The following L3MBTL4 variants were observed in gnomAD, a reference collection of about 807,000 sequenced individuals.
L3MBTL4 encodes the protein L3MBTL histone methyl-lysine binding protein 4, also known as lethal(3)malignant brain tumor-like protein 4.
In L3MBTL4, 70 loss-of-function variants were observed where a neutral mutation model predicts 84.5. The ratio of observed to expected loss-of-function variants is 0.83; its 90% confidence interval spans 0.68 to 1.01. The LOEUF is 1.01. L3MBTL4 is among the 50% of genes least tolerant of loss of function. L3MBTL4 has a pLI of 0.00. For synonymous variants in L3MBTL4, 274 were observed against 259.8 expected, an observed-to-expected ratio of 1.05 and a Z score of -0.52; for missense variants, 715 against 754.8, an observed-to-expected ratio of 0.95 and a Z score of 0.62.
chr18:6,152,305 A>AT (rs142872483), intron 13 of L3MBTL4, among the ~76,000 whole-genome samples: 17 of 149,594 alleles, frequency 1.1e-4, no homozygotes, highest in South Asian at 2.1e-4. Flanking sequence ...AGGAACCTCC[A>AT]TTTTTTTTTT....
At chr18:6,399,139 C>A (rs8089232) in intron 1 of L3MBTL4, among the ~76,000 whole-genome samples, 1 of 152,124 alleles carries the variant, frequency 6.6e-6, no homozygotes, top group Non-Finnish European at 1.5e-5. Context: ...CTTAGCCAAA[C>A]CTTTGGAAAG....
chr18:5,978,887 C>G (rs2053080878), intron 16 of L3MBTL4, among the ~76,000 whole-genome samples: 1 of 152,184 alleles, frequency 6.6e-6, no homozygotes, highest in Non-Finnish European at 1.5e-5. Flanking sequence ...CTGCGTGCTG[C>G]TCTCTCAACT....
At position 5,960,136 on chromosome 18, in the gene L3MBTL4, A is replaced by G. The variant is rs372371436; in HGVS notation, c.1635T>C (p.Ser545=). 3.8e-6 allele frequency: 6 copies of G among 1,593,802 alleles called. No homozygotes were observed. The African/African-American group carries it at 8.1e-5, about 21-fold the overall frequency. ...TVDEVAEFVQ[S]LLGCEEHAKC... Reference sequence around the variant, plus strand: ...TGGCATGCTCTTCACAGCCCAGAAGAGACTGTACAAACTCAGCCACCTACA... The same window carrying G: ...TGGCATGCTCTTCACAGCCCAGAAGGGACTGTACAAACTCAGCCACCTACA... Residue 545 remains serine, a synonymous_variant, in exon 18 of 19, where the codon TCT becomes TCC. Coordinates refer to ENST00000317931, the MANE Select transcript of L3MBTL4 (RefSeq NM_001330559.2).
chr18:6,162,688 T>C (rs1305027985), intron 13 of L3MBTL4, among the ~76,000 whole-genome samples: 1 of 152,092 alleles, frequency 6.6e-6, no homozygotes, highest in Admixed American at 6.5e-5. Context: ...AAAGACACAG[T>C]AAAAGGGTGG....
At chr18:6,206,344 T>A (rs1458554224) in intron 12 of L3MBTL4, among the ~76,000 whole-genome samples, 1 of 152,222 alleles carries the variant, frequency 6.6e-6, no homozygotes, top group East Asian at 1.9e-4. Context: ...ATCTTTTATT[T>A]AAGAAGTTTC....
intron 14 of L3MBTL4, among the ~76,000 whole-genome samples, chr18:6,108,137 G>A (rs147490793): frequency 2.0e-5 from 3 of 152,098 alleles, no homozygotes; most frequent in South Asian, 4.1e-4. Flanking sequence ...GGAGTGTCAC[G>A]CATGGTCCCT....
chr18:6,059,208 G>A (rs956813967), intron 16 of L3MBTL4, among the ~76,000 whole-genome samples: 8 of 152,196 alleles, frequency 5.3e-5, no homozygotes, highest in African/African-American at 1.9e-4. Flanking sequence ...CAGTTCGAGA[G>A]GGTTATTTCT....
At chr18:6,320,470 T>C (rs1383751186) in intron 1 of L3MBTL4, among the ~76,000 whole-genome samples, 1 of 152,006 alleles carries the variant, frequency 6.6e-6, no homozygotes, top group African/African-American at 2.4e-5. Context: ...AGCACTGCTA[T>C]ACACAAACAA....
intron 3 of L3MBTL4, among the ~76,000 whole-genome samples, chr18:6,305,491 A>G (rs200275327): frequency 6.6e-6 from 1 of 152,236 alleles, no homozygotes. Context: ...AAAAGAAAAA[A>G]TTAGCGCTTT....
At chr18:6,388,438 C>T (rs1413860987) in intron 1 of L3MBTL4, among the ~76,000 whole-genome samples, 3 of 152,092 alleles carry the variant, frequency 2.0e-5, no homozygotes, top group Non-Finnish European at 4.4e-5. Flanking sequence ...AATTATGGTA[C>T]ATCATCACAC....
intron 14 of L3MBTL4, among the ~76,000 whole-genome samples, chr18:6,095,963 T>G (rs963302911): frequency 6.6e-6 from 1 of 152,204 alleles, no homozygotes; most frequent in Admixed American, 6.5e-5. Flanking sequence ...AAATATCTTT[T>G]TCAAAGACAG....
chr18:6,155,236 A>G (rs2043054776), intron 13 of L3MBTL4, among the ~76,000 whole-genome samples: 1 of 152,210 alleles, frequency 6.6e-6, no homozygotes, highest in Non-Finnish European at 1.5e-5. Flanking sequence ...TTATAGAAAT[A>G]ACACTACATA....
chr18:5,989,998 C>T (rs1433216065), intron 16 of L3MBTL4, among the ~76,000 whole-genome samples: 2 of 152,138 alleles, frequency 1.3e-5, no homozygotes, highest in African/African-American at 2.4e-5. Context: ...TGACAGGTGG[C>T]GTGAGATGAG....
intron 1 of L3MBTL4, among the ~76,000 whole-genome samples, chr18:6,340,795 T>C (rs1245875381): frequency 6.6e-6 from 1 of 151,924 alleles, no homozygotes; most frequent in African/African-American, 2.4e-5. Context: ...CCCCTATAGG[T>C]CCCCACAATG....
At chr18:6,391,795 C>G (rs749581515) in intron 1 of L3MBTL4, among the ~76,000 whole-genome samples, 1 of 112,194 alleles carries the variant, frequency 8.9e-6, no homozygotes, top group Non-Finnish European at 1.9e-5. Context: ...TATACTTAAC[C>G]AAGCAGGTGA....
At chr18:6,036,400 C>A (rs2056143181) in intron 16 of L3MBTL4, among the ~76,000 whole-genome samples, 1 of 152,072 alleles carries the variant, frequency 6.6e-6, no homozygotes, top group Non-Finnish European at 1.5e-5. Flanking sequence ...CCCTTTGAAG[C>A]CCTCTAGTAA....
intron 16 of L3MBTL4, among the ~76,000 whole-genome samples, chr18:6,026,724 T>C (rs1281548652): frequency 6.6e-6 from 1 of 152,188 alleles, no homozygotes; most frequent in Non-Finnish European, 1.5e-5. Context: ...AGAGTATGAT[T>C]ACAAACATAA....
At chr18:6,196,559 T>C (rs142608764) in intron 12 of L3MBTL4, among the ~76,000 whole-genome samples, 51 of 152,300 alleles carry the variant, frequency 3.3e-4, no homozygotes, top group African/African-American at 9.1e-4. Flanking sequence ...CTGAATTGAA[T>C]ATTCACTAGA....
intron 1 of L3MBTL4, among the ~76,000 whole-genome samples, chr18:6,367,863 A>G (rs2054001026): frequency 6.6e-6 from 1 of 152,180 alleles, no homozygotes; most frequent in African/African-American, 2.4e-5. Flanking sequence ...TACCTCTTTT[A>G]GCCCTCACTT....
Sources: gnomAD v4.1 joint callset for allele counts (sites outside exome capture counted in the v4.1 genomes callset) on GRCh38, gnomAD v4.1.1 for gene constraint, MANE v1.5 for transcripts, NCBI Gene and HGNC (gene_info 2026-07-23, HGNC 2026-07-21) for gene names.